The following IGF2BP3 variants were observed in gnomAD, a reference collection of about 807,000 sequenced individuals.
IGF2BP3 encodes insulin-like growth factor 2 mRNA-binding protein 3.
IGF2BP3 carries 9 observed loss-of-function variants against 73.8 expected under a neutral mutation model. That is an observed-to-expected ratio of 0.12 (90% CI 0.07 to 0.21). The LOEUF is 0.21. Among genes scored for constraint, IGF2BP3 ranks in the 10% least tolerant of loss-of-function variants. The pLI is 1.00. For missense variants in IGF2BP3, 542 were observed against 714.0 expected (o/e 0.76, Z 2.75); for synonymous variants, 258 against 256.7 (o/e 1.01, Z -0.05).
intron 3 of IGF2BP3, among the ~76,000 whole-genome samples, chr7:23,412,155 G>C (rs1387235451): frequency 6.6e-6 from 1 of 151,818 alleles, no homozygotes; most frequent in Non-Finnish European, 1.5e-5. Context: ...GCTAATTTTT[G>C]TATTTATAGT....
intron 3 of IGF2BP3, among the ~76,000 whole-genome samples, chr7:23,398,247 A>C (rs1397427168): frequency 1.3e-5 from 2 of 152,036 alleles, no homozygotes; most frequent in African/African-American, 2.4e-5. Context: ...TGAACTCATC[A>C]TTTTTTATGG....
Position 23,311,382 on chromosome 7 carries a change from TTTA to T in IGF2BP3, c.*977_*979del, listed in dbSNP as rs1783824088. 6.6e-6 allele frequency: 1 copy of T among 152,658 alleles called. No individual in the cohort carries two copies. The highest frequency in any genetic ancestry group is 2.4e-5 in the African/African-American group (1 of 41,452). 9.5% of individuals were successfully genotyped at this position (152,658 alleles called of 1,614,324 possible). On this transcript the variant is annotated 3_prime_UTR_variant, in exon 15 of 15. Transcript: ENST00000258729. The stretch of plus-strand genomic sequence containing the variant: ...TATTGATAGTCAGAAGCACAAAGCA[TTTA>T]TTATGCATTCAATCATGTAGCTAAA...
At chr7:23,406,000 G>C (rs574569895) in intron 3 of IGF2BP3, among the ~76,000 whole-genome samples, 1 of 151,506 alleles carries the variant, frequency 6.6e-6, no homozygotes, top group Admixed American at 6.6e-5. Flanking sequence ...TACAACCGGT[G>C]AGTTCTCTTC....
chr7:23,319,285 T>A lies in IGF2BP3; in HGVS notation c.1204-31A>T, dbSNP rs371842137. On this transcript the variant is annotated intron_variant, in intron 10 of 14. Coordinates refer to ENST00000258729, the MANE Select transcript of IGF2BP3 (RefSeq NM_006547.3). ...AGAAAAGAAAGCCAGGACACCCATG[T>A]TTATTTGCTACAAATCAGGCTTTTG... The A allele has an allele frequency of 1.8e-5, 25 of 1,408,658 alleles. No individual in the cohort carries two copies. In the African/African-American group the frequency reaches 3.4e-4, roughly 19 times the overall value. The allele number at this position is 1,408,658 out of a possible 1,614,324, so 87.3% of individuals were successfully genotyped here.
At chr7:23,439,343 G>C (rs1211123661) in intron 2 of IGF2BP3, among the ~76,000 whole-genome samples, 2 of 151,800 alleles carry the variant, frequency 1.3e-5, no homozygotes, top group Admixed American at 1.3e-4. Flanking sequence ...ATGAAGTCAG[G>C]AGATCTCAAG....
intron 10 of IGF2BP3, among the ~76,000 whole-genome samples, chr7:23,320,432 T>A (rs1421326779): frequency 6.6e-6 from 1 of 151,928 alleles, no homozygotes; most frequent in African/African-American, 2.4e-5. Context: ...AAAGGCCAAT[T>A]CAAGGTTCAA....
At chr7:23,455,739 G>A (rs1325723293) in intron 2 of IGF2BP3, among the ~76,000 whole-genome samples, 1 of 152,198 alleles carries the variant, frequency 6.6e-6, no homozygotes, top group Non-Finnish European at 1.5e-5. Flanking sequence ...AGGCTGGAGT[G>A]CGGTGGCGCG....
At position 23,310,445 on chromosome 7, in the gene IGF2BP3, A is replaced by G. The variant is rs550026055; in HGVS notation, c.*1917T>C. On this transcript the variant is annotated 3_prime_UTR_variant, in exon 15 of 15. Transcript: ENST00000258729. ...AATATGACAGAATTTAAACCAGCAG[A>G]TATAAATGCAGCACCTATGTGTATA... 1 of 152,280 alleles carries G rather than the reference A, an allele frequency of 6.6e-6. No individual in the cohort carries two copies. The highest frequency in any genetic ancestry group is 1.5e-5 in the Non-Finnish European group (1 of 68,050). The allele number at this position is 152,280 out of a possible 1,614,324, so 9.4% of individuals were successfully genotyped here.
intron 2 of IGF2BP3, among the ~76,000 whole-genome samples, chr7:23,468,080 G>A (rs6980466): frequency 0.11 from 17,082 of 152,218 alleles, 1,008 homozygotes; most frequent in Middle Eastern, 0.15. Context: ...AGGGACCCCC[G>A]CGTGTCCGCA....
chr7:23,338,517 C>T (rs1328481099), intron 10 of IGF2BP3, among the ~76,000 whole-genome samples: 1 of 152,104 alleles, frequency 6.6e-6, no homozygotes, highest in Non-Finnish European at 1.5e-5. Context: ...TGACAATAAA[C>T]GGGTAGCATA....
At chr7:23,459,966 C>T (rs530935482) in intron 2 of IGF2BP3, among the ~76,000 whole-genome samples, 32 of 151,068 alleles carry the variant, frequency 2.1e-4, no homozygotes, top group Middle Eastern at 6.8e-3. Context: ...CAGTAGTTCA[C>T]GTCTGTAATC....
intron 3 of IGF2BP3, among the ~76,000 whole-genome samples, chr7:23,367,018 A>C (rs1357751664): frequency 1.4e-5 from 2 of 142,086 alleles, no homozygotes; most frequent in Admixed American, 1.4e-4. Context: ...TTAAAGACAG[A>C]GTCTTACTGG....
chr7:23,381,784 G>A (rs1054176190), intron 3 of IGF2BP3, among the ~76,000 whole-genome samples: 4 of 152,086 alleles, frequency 2.6e-5, no homozygotes, highest in South Asian at 4.1e-4. Flanking sequence ...GGCAGGGCTG[G>A]TCTCGAACTC....
rs1264870353 is a variant in IGF2BP3 at position 23,470,016 on chromosome 7, G to A, written c.95C>T (p.Pro32Leu). 4.3e-6 allele frequency: 7 copies of A among 1,612,932 alleles called. No individual in the cohort carries two copies. Among genetic ancestry groups the A allele is most frequent in the East Asian group, 2.2e-5 (1 of 44,860 alleles). ...FKDAKIPVSGPFLVKTGYAFV... is the reference protein window; with the variant it reads ...FKDAKIPVSGLFLVKTGYAFV... Reference sequence around the variant, plus strand: ...CGCGTAGCCAGTCTTCACCAGGAAGGGTCCCGACACCGGGATCTTGGCGTC... The same window carrying A: ...CGCGTAGCCAGTCTTCACCAGGAAGAGTCCCGACACCGGGATCTTGGCGTC... Residue 32 changes from proline (P) to leucine (L), a missense_variant, in exon 1 of 15, where the codon CCC becomes CTC. Physicochemically the swap from Pro to Leu is moderately conservative, Grantham distance 98 (BLOSUM62 -3). This residue lies in a region of IGF2BP3 where 239 missense variants were observed against 241.9 expected (regional missense o/e 0.99). Coordinates refer to ENST00000258729, the MANE Select transcript of IGF2BP3 (RefSeq NM_006547.3).
At chr7:23,333,598 G>A (rs1470861351) in intron 10 of IGF2BP3, among the ~76,000 whole-genome samples, 1 of 152,178 alleles carries the variant, frequency 6.6e-6, no homozygotes, top group Non-Finnish European at 1.5e-5. Flanking sequence ...CAGTAGATAA[G>A]GGTCAAAAGG....
At chr7:23,368,814 T>C (rs1216245687) in intron 3 of IGF2BP3, among the ~76,000 whole-genome samples, 1 of 151,872 alleles carries the variant, frequency 6.6e-6, no homozygotes, top group African/African-American at 2.4e-5. Flanking sequence ...GGAGAATCAC[T>C]TGAACCCAGG....
chr7:23,342,865 T>C (rs769637897), intron 9 of IGF2BP3, among the ~76,000 whole-genome samples: 9 of 152,116 alleles, frequency 5.9e-5, no homozygotes, highest in Non-Finnish European at 1.2e-4. Flanking sequence ...TCCAGAACAT[T>C]TGGAGCCAAG....
chr7:23,450,634 C>T (rs1788175497), intron 2 of IGF2BP3: 1 of 152,156 alleles, frequency 6.6e-6, no homozygotes, highest in African/African-American at 2.4e-5. Context: ...CACATTGAAA[C>T]TAGACTTTAA....
intron 10 of IGF2BP3, among the ~76,000 whole-genome samples, chr7:23,340,286 T>C (rs1784675635): frequency 6.6e-6 from 1 of 152,100 alleles, no homozygotes; most frequent in Non-Finnish European, 1.5e-5. Flanking sequence ...GGCCAAAACA[T>C]ACTAGAAACG....
Sources: allele counts gnomAD v4.1 joint callset (sites outside exome capture counted in the v4.1 genomes callset), GRCh38; gene constraint gnomAD v4.1.1; regional missense constraint gnomAD v4.1.1; transcripts MANE v1.5; gene names NCBI Gene and HGNC (gene_info 2026-07-23, HGNC 2026-07-21).